RIMS2: variants seen among roughly 807,000 people sequenced by gnomAD.
The protein encoded by RIMS2 is regulating synaptic membrane exocytosis 2, also known as regulating synaptic membrane exocytosis protein 2.
RIMS2 carries 59 observed loss-of-function variants against 174.4 expected under a neutral mutation model. The observed-to-expected ratio is 0.34, with a 90% CI of 0.27 to 0.42. RIMS2 has a LOEUF of 0.42. Among genes scored for constraint, RIMS2 ranks in the 10% least tolerant of loss-of-function variants. The pLI, the probability that RIMS2 is intolerant of heterozygous loss-of-function variation, is 1.00. For missense variants in RIMS2, 1,620 were observed against 1,666.3 expected (o/e 0.97, Z 0.48); for synonymous variants, 606 against 572.5 (o/e 1.06, Z -0.84).
chr8:103,605,473 T>G (rs2095017269), intron 1 of RIMS2, among the ~76,000 whole-genome samples: 1 of 150,126 alleles, frequency 6.7e-6, no homozygotes, highest in African/African-American at 2.5e-5. Flanking sequence ...TTTTTGCTTG[T>G]GTCTCTGCCC....
At chr8:103,520,068 C>T (rs1830894781) in intron 1 of RIMS2, among the ~76,000 whole-genome samples, 1 of 152,074 alleles carries the variant, frequency 6.6e-6, no homozygotes, top group Admixed American at 6.6e-5. Flanking sequence ...AACTCTGGGT[C>T]ATATCCTAGT....
chr8:104,025,131 G>C (rs574875786), intron 19 of RIMS2, among the ~76,000 whole-genome samples: 1 of 152,092 alleles, frequency 6.6e-6, no homozygotes, highest in Non-Finnish European at 1.5e-5. Context: ...ATTATTTGCC[G>C]TGTAGATATG....
At chr8:103,549,139 G>C (rs1180747852) in intron 1 of RIMS2, among the ~76,000 whole-genome samples, 1 of 151,852 alleles carries the variant, frequency 6.6e-6, no homozygotes, top group Admixed American at 6.6e-5. Flanking sequence ...GATACTCCTC[G>C]AGAAGAGCAA....
chr8:103,683,982 A>G (rs2096909558), intron 1 of RIMS2, among the ~76,000 whole-genome samples: 1 of 152,210 alleles, frequency 6.6e-6, no homozygotes, highest in African/African-American at 2.4e-5. Flanking sequence ...TTTGTGACAA[A>G]GTAGATATAA....
intron 1 of RIMS2, among the ~76,000 whole-genome samples, chr8:103,572,353 GCCGATTGGTCCATTTTACAGAGCA>G (rs1563829081): frequency 1.3e-5 from 2 of 151,822 alleles, no homozygotes; most frequent in Non-Finnish European, 1.5e-5. Context: ...CGCACGCCTT[GCCGATTGGTCCATTTTACAGAGCA>G]CTGATTGGTC....
chr8:104,142,467 G>A (rs369277102), intron 19 of RIMS2, among the ~76,000 whole-genome samples: 7 of 151,950 alleles, frequency 4.6e-5, no homozygotes, highest in South Asian at 2.1e-4. Context: ...TCCAAATCCC[G>A]GGAATGTGAC....
intron 19 of RIMS2, among the ~76,000 whole-genome samples, chr8:104,100,537 G>C (rs971104335): frequency 6.6e-6 from 1 of 151,976 alleles, no homozygotes; most frequent in East Asian, 1.9e-4. Context: ...AGTTCTTAAA[G>C]AAACAGCAAT....
rs1328467290 is a variant in RIMS2 at position 104,188,987 on chromosome 8, T to C, written c.3335-55929T>C. On this transcript the variant is annotated intron_variant, in intron 19 of 23. Transcript: ENST00000504942. ...ACCAATGTCTACAAATTGTTCATCC[T>C]TCCATAGCTTTAATTGCTCTTCATA... 2.0e-5 allele frequency among the ~76,000 whole-genome samples: 3 copies of C among 152,108 alleles called. No homozygotes were observed. The South Asian group carries it at 6.2e-4, about 32-fold the overall frequency.
At chr8:103,572,413 A>ATTTTACAGAGTGCTGATTGGTCCAT (rs1251004078) in intron 1 of RIMS2, among the ~76,000 whole-genome samples, 2 of 120,496 alleles carry the variant, frequency 1.7e-5, no homozygotes, top group Non-Finnish European at 3.5e-5. Context: ...TGATTGGTCC[A>ATTTTACAGAGTGCTGATTGGTCCAT]TTTTACAGAG....
At chr8:104,043,715 G>A (rs1172364529) in intron 19 of RIMS2, among the ~76,000 whole-genome samples, 3 of 151,756 alleles carry the variant, frequency 2.0e-5, no homozygotes, top group African/African-American at 7.2e-5. Context: ...TCAGATGTTG[G>A]ACAATTCCAA....
At chr8:103,606,510 A>G (rs2095092271) in intron 1 of RIMS2, among the ~76,000 whole-genome samples, 2 of 152,144 alleles carry the variant, frequency 1.3e-5, no homozygotes, top group East Asian at 1.9e-4. Context: ...GTAGATGTCT[A>G]TTAGGTCTGC....
chr8:104,205,293 A>C (rs1458493814), intron 19 of RIMS2, among the ~76,000 whole-genome samples: 1 of 152,088 alleles, frequency 6.6e-6, no homozygotes, highest in African/African-American at 2.4e-5. Flanking sequence ...CTCCTGTGTT[A>C]TATAATTACT....
At chr8:103,617,547 G>T (rs2134457423) in intron 1 of RIMS2, among the ~76,000 whole-genome samples, 1 of 152,266 alleles carries the variant, frequency 6.6e-6, no homozygotes, top group East Asian at 1.9e-4. Flanking sequence ...CACAGCCAAA[G>T]AAACTATCAA....
intron 19 of RIMS2, among the ~76,000 whole-genome samples, chr8:104,063,390 A>G (rs1451058193): frequency 6.6e-6 from 1 of 152,114 alleles, no homozygotes; most frequent in Non-Finnish European, 1.5e-5. Flanking sequence ...ATCAAAAACA[A>G]CTCCACATAT....
intron 2 of RIMS2, among the ~76,000 whole-genome samples, chr8:103,702,150 A>G (rs553879019): frequency 2.5e-4 from 38 of 152,208 alleles, no homozygotes; most frequent in African/African-American, 5.3e-4. Flanking sequence ...ATGACATCAC[A>G]TTGTGGCTTT....
At chr8:104,166,059 CTTTTTTTTTTTTT>C (rs560648211) in intron 19 of RIMS2, among the ~76,000 whole-genome samples, 2 of 97,854 alleles carry the variant, frequency 2.0e-5, no homozygotes, top group Admixed American at 2.3e-4. Context: ...TTTTGGATTT[CTTTTTTTTTTTTT>C]TTTTTTTTTT....
At chr8:103,565,002 A>G (rs2092153657) in intron 1 of RIMS2, among the ~76,000 whole-genome samples, 1 of 152,168 alleles carries the variant, frequency 6.6e-6, no homozygotes, top group East Asian at 1.9e-4. Flanking sequence ...TTTTAACCAC[A>G]CATGTAGAGA....
rs566865778 is a variant in RIMS2 at position 103,794,222 on chromosome 8, C to T, written c.698+27685C>T. On this transcript the variant is annotated intron_variant, in intron 3 of 23. Transcript: ENST00000504942. Reference sequence around the variant, plus strand: ...AGTAATCAAAACAGCATGATACTGGCACTAACACAGAGATATAGACCAATG... The same window carrying T: ...AGTAATCAAAACAGCATGATACTGGTACTAACACAGAGATATAGACCAATG... Among the ~76,000 whole-genome samples, 37 of 152,016 alleles carry T rather than the reference C, an allele frequency of 2.4e-4. 1 individual carries two copies. The South Asian group carries it at 7.7e-3, about 32-fold the overall frequency.
chr8:103,636,796 C>T (rs1483232366), intron 1 of RIMS2, among the ~76,000 whole-genome samples: 8 of 59,904 alleles, frequency 1.3e-4, no homozygotes, highest in South Asian at 6.7e-4. Context: ...GCACCCCCCC[C>T]CCCCCACACA....
Sources: gnomAD v4.1 joint callset for allele counts (sites outside exome capture counted in the v4.1 genomes callset) on GRCh38, gnomAD v4.1.1 for gene constraint, MANE v1.5 for transcripts, NCBI Gene and HGNC (gene_info 2026-07-23, HGNC 2026-07-21) for gene names.